The following TBC1D22A variants were observed in gnomAD, a reference collection of about 807,000 sequenced individuals.
TBC1D22A encodes TBC1 domain family member 22A, also known as putative GTPase activator.
A neutral mutation model predicts 60.2 loss-of-function variants in TBC1D22A; 38 were observed. The observed-to-expected ratio is 0.63, with a 90% CI of 0.49 to 0.83. The LOEUF is 0.83. TBC1D22A is among the 40% of genes least tolerant of loss of function. The pLI is 0.00. For synonymous variants in TBC1D22A, 302 were observed against 281.7 expected (o/e 1.07, Z -0.72); for missense variants, 628 against 701.0 (o/e 0.90, Z 1.18).
intron 10 of TBC1D22A, among the ~76,000 whole-genome samples, chr22:47,022,464 C>T (rs531050000): frequency 4.5e-4 from 69 of 151,754 alleles, no homozygotes; most frequent in Non-Finnish European, 7.8e-4. Flanking sequence ...GGGGAAGCCA[C>T]GGCATCTGGG....
intron 8 of TBC1D22A, among the ~76,000 whole-genome samples, chr22:46,926,359 G>A (rs1279021243): frequency 1.3e-5 from 2 of 149,588 alleles, no homozygotes; most frequent in Non-Finnish European, 3.0e-5. Flanking sequence ...GAGAGAGAGA[G>A]AAAACTCAAG....
chr22:46,915,876 C>G (rs189709889), intron 8 of TBC1D22A: 1 of 451,542 alleles, frequency 2.2e-6, no homozygotes, highest in Non-Finnish European at 4.5e-6. Flanking sequence ...GGGAGTGGCT[C>G]ATCGTTCTGG....
chr22:47,163,042 G>A (rs1192400439), intron 12 of TBC1D22A, among the ~76,000 whole-genome samples: 2 of 152,218 alleles, frequency 1.3e-5, no homozygotes, highest in Non-Finnish European at 2.9e-5. Context: ...CAAAGGAGAC[G>A]GGGCAAGTGG....
intron 7 of TBC1D22A, among the ~76,000 whole-genome samples, chr22:46,897,681 G>A (rs1429031738): frequency 2.2e-5 from 3 of 134,548 alleles, no homozygotes; most frequent in Non-Finnish European, 4.6e-5. Flanking sequence ...GTTCTAGGAA[G>A]CTAGTGTGAA....
intron 11 of TBC1D22A, among the ~76,000 whole-genome samples, chr22:47,048,974 AGGAAAC>A (rs2063116019): frequency 2.0e-5 from 3 of 152,250 alleles, no homozygotes; most frequent in Non-Finnish European, 4.4e-5. Flanking sequence ...AAATCCAAAA[AGGAAAC>A]GTTAACCTGA....
At chr22:46,938,696 C>T (rs1248531897) in intron 8 of TBC1D22A, among the ~76,000 whole-genome samples, 3 of 151,914 alleles carry the variant, frequency 2.0e-5, no homozygotes, top group African/African-American at 7.3e-5. Flanking sequence ...AGCAATTCTC[C>T]TGCCTCAGCC....
At position 47,000,277 on chromosome 22, in the gene TBC1D22A, A is replaced by G. The variant is rs191428235; in HGVS notation, c.1201+2568A>G. Among the ~76,000 whole-genome samples the G allele has an allele frequency of 2.6e-3, 402 of 152,038 alleles. 2 individuals are homozygous for G. Among genetic ancestry groups the G allele is most frequent in the African/African-American group, 9.2e-3 (380 of 41,474 alleles). ...TCATCAGGAGCGAGCAGAGAGCTGG[A>G]GGAGGGGGAGGTCTTGGGGATGGAG... On this transcript the variant is annotated intron_variant, in intron 10 of 12. Coordinates refer to ENST00000337137, the MANE Select transcript of TBC1D22A (RefSeq NM_014346.5).
chr22:47,008,528 C>T (rs1224095610), intron 10 of TBC1D22A, among the ~76,000 whole-genome samples: 1 of 152,250 alleles, frequency 6.6e-6, no homozygotes, highest in Non-Finnish European at 1.5e-5. Flanking sequence ...TTTGTGGAGG[C>T]TGATTTGTAA....
intron 12 of TBC1D22A, among the ~76,000 whole-genome samples, chr22:47,122,730 A>G (rs1284556574): frequency 6.6e-6 from 1 of 152,254 alleles, no homozygotes; most frequent in Non-Finnish European, 1.5e-5. Context: ...TGTGCTCTGC[A>G]GAGACCCAGG....
chr22:46,778,876 T>C (rs1360210801), intron 1 of TBC1D22A, among the ~76,000 whole-genome samples: 1 of 152,124 alleles, frequency 6.6e-6, no homozygotes, highest in African/African-American at 2.4e-5. Context: ...AAACCCCGTC[T>C]CTACTAAAAG....
At chr22:46,858,814 C>A (rs1284632085) in intron 4 of TBC1D22A, among the ~76,000 whole-genome samples, 1 of 152,216 alleles carries the variant, frequency 6.6e-6, no homozygotes, top group African/African-American at 2.4e-5. Flanking sequence ...GTTTTTCCCT[C>A]TATGAATTGG....
chr22:46,942,722 C>T (rs1302326355), intron 8 of TBC1D22A, among the ~76,000 whole-genome samples: 1 of 152,192 alleles, frequency 6.6e-6, no homozygotes. Context: ...CGCCAGGCCT[C>T]CCCGAGGGAT....
At chr22:47,137,307 A>G (rs754216799) in intron 12 of TBC1D22A, among the ~76,000 whole-genome samples, 1 of 152,148 alleles carries the variant, frequency 6.6e-6, no homozygotes, top group Non-Finnish European at 1.5e-5. Context: ...CTCTTCTCTG[A>G]TTTAGTGTGT....
chr22:46,919,328 A>G (rs1359677664), intron 8 of TBC1D22A, among the ~76,000 whole-genome samples: 3 of 152,200 alleles, frequency 2.0e-5, no homozygotes, highest in Admixed American at 2.0e-4. Context: ...CGCAGCGTGA[A>G]TCAGTACTTC....
At chr22:46,841,258 G>A (rs1232842042) in intron 4 of TBC1D22A, among the ~76,000 whole-genome samples, 1 of 152,140 alleles carries the variant, frequency 6.6e-6, no homozygotes, top group Non-Finnish European at 1.5e-5. Flanking sequence ...TTAGAAAGAG[G>A]CCTGAGGAAG....
At position 47,134,744 on chromosome 22, in the gene TBC1D22A, T is replaced by C. The variant is rs60629886; in HGVS notation, c.1425+23141T>C. 2.0e-3 allele frequency among the ~76,000 whole-genome samples: 308 copies of C among 150,848 alleles called. 2 individuals are homozygous for C. The highest frequency in any genetic ancestry group is 7.3e-3 in the African/African-American group (302 of 41,218). ...GGACTTTGTTTGCAGAAAGAATTCC[T>C]CGTGCTGTGTGGCTGGCATCCTTTC... is the stretch of plus-strand genomic sequence containing the variant. On this transcript the variant is annotated intron_variant, in intron 12 of 12. Coordinates refer to ENST00000337137, the MANE Select transcript of TBC1D22A (RefSeq NM_014346.5).
At chr22:46,850,562 T>A (rs1267435281) in intron 4 of TBC1D22A, among the ~76,000 whole-genome samples, 2 of 152,202 alleles carry the variant, frequency 1.3e-5, no homozygotes, top group Non-Finnish European at 2.9e-5. Context: ...ATCAGAACTC[T>A]TATACGCTGC....
At chr22:46,938,260 GT>G (rs2071776544) in intron 8 of TBC1D22A, among the ~76,000 whole-genome samples, 1 of 152,160 alleles carries the variant, frequency 6.6e-6, no homozygotes, top group South Asian at 2.1e-4. Context: ...GTTTAGATAT[GT>G]TTCGATACAC....
Position 46,990,770 on chromosome 22 carries a change from T to A in TBC1D22A, c.1126-6864T>A, listed in dbSNP as rs1370061230. On this transcript the variant is annotated intron_variant, in intron 9 of 12. Transcript: ENST00000337137. The surrounding 1 kb of genome is among the most constrained non-coding windows in gnomAD (Gnocchi z 4.6). ...TTTCATCCCACTGCTCCTGCTGCGG[T>A]GGCTTCTCTCCCCGTTGGCTTGCTG... 6.6e-6 allele frequency among the ~76,000 whole-genome samples: 1 copy of A among 152,212 alleles called. No individual in the cohort carries two copies. Among genetic ancestry groups the A allele is most frequent in the African/African-American group, 2.4e-5 (1 of 41,458 alleles).
Sources: gnomAD v4.1 joint callset for allele counts (sites outside exome capture counted in the v4.1 genomes callset) on GRCh38, gnomAD v4.1.1 for gene constraint, Gnocchi (gnomAD v3.1) non-coding constraint, MANE v1.5 for transcripts, NCBI Gene and HGNC (gene_info 2026-07-23, HGNC 2026-07-21) for gene names.